Variants in CDC20B observed in about 807,000 individuals in gnomAD.
CDC20B encodes cell division cycle 20B, also known as cell division cycle protein 20 homolog B.
A neutral mutation model predicts 64.1 loss-of-function variants in CDC20B; 58 were observed. The observed-to-expected ratio is 0.90, with a 90% CI of 0.73 to 1.13. The LOEUF is 1.13. Ranked by LOEUF, CDC20B falls within the 50% of genes most tolerant of loss-of-function variation. CDC20B has a pLI of 0.00. For missense variants in CDC20B, 597 were observed against 633.0 expected (o/e 0.94, Z 0.61); for synonymous variants, 243 against 230.6 (o/e 1.05, Z -0.49).
intron 4 of CDC20B, among the ~76,000 whole-genome samples, chr5:55,141,265 T>C (rs115138214): frequency 0.012 from 1,843 of 152,304 alleles, 30 homozygotes; most frequent in African/African-American, 0.043. Context: ...AGACTGGCTC[T>C]CCCTTGCCTT....
At chr5:55,115,611 C>A (rs1419076554) in intron 11 of CDC20B, among the ~76,000 whole-genome samples, 1 of 152,102 alleles carries the variant, frequency 6.6e-6, no homozygotes, top group African/African-American at 2.4e-5. Context: ...GAAAGGAGGT[C>A]AGATATGGTT....
At chr5:55,155,894 G>T (rs1269648407) in intron 2 of CDC20B, among the ~76,000 whole-genome samples, 1 of 152,116 alleles carries the variant, frequency 6.6e-6, no homozygotes, top group Non-Finnish European at 1.5e-5. Flanking sequence ...TGTTCTCCAT[G>T]CCTTCCCCTT....
In CDC20B at chr5:55,115,445, T is replaced by C. The variant is rs946216992; in HGVS notation, c.1460-1127A>G. On this transcript the variant is annotated intron_variant, in intron 11 of 11. Coordinates refer to ENST00000381375, the MANE Select transcript of CDC20B (RefSeq NM_001170402.1). ...TTCTCAGATTTATCTGACCACAGAG[T>C]TCTTTTAATTTGAGCATCTCAAGGG... Among the ~76,000 whole-genome samples, 7 of 152,132 alleles carry C rather than the reference T, an allele frequency of 4.6e-5. No homozygotes were observed. In the South Asian group the frequency reaches 1.0e-3, roughly 23 times the overall value.
At chr5:55,143,684 C>T in intron 3 of CDC20B, 41 bp from the exon 4 acceptor site, 7 of 1,542,108 alleles carry the variant, frequency 4.5e-6, no homozygotes, top group Non-Finnish European at 6.1e-6. Context: ...GTTTTTAAAA[C>T]AAGATAATCA....
At chr5:55,162,300 G>A (rs1376881866) in intron 2 of CDC20B, among the ~76,000 whole-genome samples, 1 of 152,154 alleles carries the variant, frequency 6.6e-6, no homozygotes, top group Non-Finnish European at 1.5e-5. Flanking sequence ...GGAGGCTGAG[G>A]CAGGAGAATC....
At chr5:55,138,668 T>TA (rs1743248585) in intron 5 of CDC20B, among the ~76,000 whole-genome samples, 1 of 148,488 alleles carries the variant, frequency 6.7e-6, no homozygotes, top group African/African-American at 2.5e-5. Context: ...TAAAAATCTA[T>TA]AAAATAATAT....
At chr5:55,134,549 C>T (rs2111845848) in intron 5 of CDC20B, among the ~76,000 whole-genome samples, 1 of 152,144 alleles carries the variant, frequency 6.6e-6, no homozygotes, top group South Asian at 2.1e-4. Context: ...ATTGCCTGAG[C>T]CCAGGAGTTT....
intron 2 of CDC20B, among the ~76,000 whole-genome samples, chr5:55,147,580 A>T (rs923903163): frequency 6.7e-6 from 1 of 149,718 alleles, no homozygotes. Context: ...GTAAAATGTT[A>T]TTTTTTTATG....
chr5:55,140,458 C>A (rs1005933545), intron 4 of CDC20B, 51 bp from the exon 5 acceptor site: 15 of 1,230,086 alleles, frequency 1.2e-5, no homozygotes, highest in Non-Finnish European at 1.8e-5. Flanking sequence ...CATACATGTA[C>A]AACTAAAATG....
chr5:55,169,399 C>T (rs1744516267), intron 2 of CDC20B, among the ~76,000 whole-genome samples: 1 of 152,160 alleles, frequency 6.6e-6, no homozygotes, highest in Non-Finnish European at 1.5e-5. Flanking sequence ...CTGATGGCAC[C>T]ACCAAAGTCA....
intron 5 of CDC20B, chr5:55,137,509 T>C (rs1743212632): frequency 1.1e-5 from 5 of 456,404 alleles, no homozygotes; most frequent in East Asian, 1.4e-4. Context: ...ATCTGTTTCA[T>C]AGTTTAAGTT....
intron 2 of CDC20B, chr5:55,170,681 T>C (rs371465951): frequency 9.4e-6 from 5 of 534,624 alleles, no homozygotes; most frequent in Non-Finnish European, 1.9e-5. Flanking sequence ...GCAGGGTAGT[T>C]GTGGCTGCTG....
intron 10 of CDC20B, 63 bp downstream of exon 10, chr5:55,120,362 T>G: frequency 6.3e-7 from 1 of 1,598,244 alleles, no homozygotes; most frequent in East Asian, 2.2e-5. Context: ...GGCTCTGTTG[T>G]AAACTATTTT....
intron 2 of CDC20B, chr5:55,160,192 CATGGAG>C (rs1561301923): frequency 1.2e-6 from 2 of 1,612,720 alleles, no homozygotes; most frequent in Admixed American, 3.3e-5. Context: ...AATCCTCCAA[CATGGAG>C]CCTCTTGCAG....
At chr5:55,161,179 C>A in intron 2 of CDC20B, 1 of 1,614,058 alleles carries the variant, frequency 6.2e-7, no homozygotes, top group Non-Finnish European at 8.5e-7. Flanking sequence ...GAAAAAACTA[C>A]GGAGTAACTT....
Position 55,133,514 on chromosome 5 carries a change from C to T in CDC20B, c.595G>A (p.Val199Ile). ...ECVWKGCKDGVRDESFHLKSS... is the reference protein window; with the variant it reads ...ECVWKGCKDGIRDESFHLKSS... ...TTAAGATGGAAGGATTCATCTCTGA[C>T]TCCATCTTTGCAGCCTACAAGAAAC... The change falls in exon 6 of 12, where the codon GTC becomes ATC. Residue 199 changes from valine to isoleucine, a missense_variant. By Grantham distance (29) the Val-to-Ile change is conservative (BLOSUM62 3). Around this residue, in one of 3 missense-constraint regions of CDC20B, gnomAD observed 353 missense variants for 397.0 expected, o/e 0.89. Transcript: ENST00000381375. 1 of 1,544,616 alleles carries T rather than the reference C, an allele frequency of 6.5e-7. No homozygotes were observed.
intron 5 of CDC20B, 70 bp from the exon 6 acceptor site, chr5:55,133,598 A>G (rs1354179950): frequency 1.0e-5 from 7 of 666,816 alleles, no homozygotes; most frequent in Middle Eastern, 2.7e-4. Context: ...TGTGGGAATT[A>G]AGAAATAACA....
chr5:55,144,934 C>G (rs1273397418), intron 3 of CDC20B, among the ~76,000 whole-genome samples: 1 of 152,186 alleles, frequency 6.6e-6, no homozygotes. Flanking sequence ...TAGCAAAGCA[C>G]TGAGAAACCA....
At chr5:55,153,379 G>T (rs1019363576) in intron 2 of CDC20B, among the ~76,000 whole-genome samples, 4 of 152,032 alleles carry the variant, frequency 2.6e-5, no homozygotes, top group Non-Finnish European at 5.9e-5. Flanking sequence ...AGTCTGTAGG[G>T]CCAAATAAAT....
Sources: allele counts gnomAD v4.1 joint callset (sites outside exome capture counted in the v4.1 genomes callset), GRCh38; gene constraint gnomAD v4.1.1; regional missense constraint gnomAD v4.1.1; transcripts MANE v1.5; gene names NCBI Gene and HGNC (gene_info 2026-07-23, HGNC 2026-07-21).